Variants in DPP10 observed in about 807,000 individuals in gnomAD.
DPP10 encodes the protein inactive dipeptidyl peptidase 10.
DPP10 carries 33 observed loss-of-function variants against 120.9 expected under a neutral mutation model. That is an observed-to-expected ratio of 0.27 (90% confidence interval 0.21 to 0.37). The LOEUF (loss-of-function observed/expected upper bound fraction) is 0.37, where lower values mean the gene tolerates loss of function less well. Among genes scored for constraint, DPP10 ranks in the 10% least tolerant of loss-of-function variants. The pLI is 1.00. For missense variants in DPP10, 816 were observed against 942.8 expected, an observed-to-expected ratio of 0.87 and a Z score of 1.76; for synonymous variants, 337 against 326.1, an observed-to-expected ratio of 1.03 and a Z score of -0.36.
chr2:115,208,633 T>C (rs541396044), intron 1 of DPP10, among the ~76,000 whole-genome samples: 2 of 152,276 alleles, frequency 1.3e-5, no homozygotes, highest in South Asian at 4.1e-4. Flanking sequence ...TTTCCACTTA[T>C]GTTCCAGGGA....
chr2:115,298,430 A>G (rs1431248149), intron 1 of DPP10, among the ~76,000 whole-genome samples: 1 of 152,018 alleles, frequency 6.6e-6, no homozygotes, highest in African/African-American at 2.4e-5. Context: ...AAGATTGTTC[A>G]TTTTAGCAGT....
chr2:114,446,769 G>A lies in DPP10; in HGVS notation c.60+3931G>A, dbSNP rs368815877. Reference sequence around the variant, plus strand: ...CTGCCTTTTATATTGTAATATTGATGAGTCATTGTGCTAATAAAGACTTTT... The same window carrying A: ...CTGCCTTTTATATTGTAATATTGATAAGTCATTGTGCTAATAAAGACTTTT... On this transcript the variant is annotated intron_variant, in intron 1 of 25. Transcript: ENST00000410059. Among the ~76,000 whole-genome samples the A allele has an allele frequency of 9.9e-5, 15 of 152,216 alleles. No homozygotes were observed. In the South Asian group the frequency reaches 3.1e-3, roughly 32 times the overall value.
chr2:114,849,218 C>T (rs762374915), intron 1 of DPP10, among the ~76,000 whole-genome samples: 2 of 152,170 alleles, frequency 1.3e-5, no homozygotes, highest in Non-Finnish European at 2.9e-5. Context: ...TTGATTTCCA[C>T]GTGGCTGAGT....
intron 21 of DPP10, among the ~76,000 whole-genome samples, chr2:115,817,970 A>G (rs566285856): frequency 3.9e-5 from 6 of 152,314 alleles, no homozygotes; most frequent in Admixed American, 3.3e-4. Flanking sequence ...TGGATATATA[A>G]TAATGGCAAG....
chr2:115,402,676 G>A (rs972756493), intron 3 of DPP10, among the ~76,000 whole-genome samples: 21 of 149,816 alleles, frequency 1.4e-4, no homozygotes, highest in Non-Finnish European at 1.9e-4. Flanking sequence ...GAGGAAAAGC[G>A]CAGGACTGGA....
chr2:115,539,325 G>T (rs2079047459), intron 5 of DPP10, among the ~76,000 whole-genome samples: 1 of 151,872 alleles, frequency 6.6e-6, no homozygotes, highest in Admixed American at 6.6e-5. Flanking sequence ...TAAAACTAGG[G>T]CCCTTGATAT....
chr2:114,979,420 G>A (rs1574622331), intron 1 of DPP10, among the ~76,000 whole-genome samples: 3 of 151,796 alleles, frequency 2.0e-5, no homozygotes, highest in African/African-American at 7.2e-5. Flanking sequence ...TAAAAATCAT[G>A]ATGTTTATTA....
intron 1 of DPP10, among the ~76,000 whole-genome samples, chr2:114,904,937 G>A (rs1519664): frequency 1.3e-5 from 2 of 152,166 alleles, no homozygotes; most frequent in African/African-American, 2.4e-5. Context: ...CAGGAGCTTA[G>A]GGATGAGACC....
At chr2:114,814,502 A>C (rs193059980) in intron 1 of DPP10, among the ~76,000 whole-genome samples, 35 of 152,268 alleles carry the variant, frequency 2.3e-4, no homozygotes, top group Non-Finnish European at 4.7e-4. Flanking sequence ...GGAATTAACT[A>C]TAATGATATA....
intron 1 of DPP10, among the ~76,000 whole-genome samples, chr2:115,245,201 T>G (rs1021158049): frequency 6.6e-6 from 1 of 152,122 alleles, no homozygotes. Context: ...TGAGTGGTAT[T>G]CTATGGTGTA....
At chr2:115,533,036 A>G (rs2148925925) in intron 5 of DPP10, among the ~76,000 whole-genome samples, 1 of 152,100 alleles carries the variant, frequency 6.6e-6, no homozygotes, top group Non-Finnish European at 1.5e-5. Context: ...TTTTTTTAAA[A>G]TTTTTAAACA....
intron 3 of DPP10, among the ~76,000 whole-genome samples, chr2:115,407,128 CGCCCTGGAAA>C (rs1442167503): frequency 6.6e-6 from 1 of 152,194 alleles, no homozygotes; most frequent in African/African-American, 2.4e-5. Context: ...CAGGCTCCTT[CGCCCTGGAAA>C]CAGGGCGAAC....
intron 13 of DPP10, among the ~76,000 whole-genome samples, chr2:115,775,041 CAAG>C (rs1422447438): frequency 6.6e-6 from 1 of 151,860 alleles, no homozygotes; most frequent in Non-Finnish European, 1.5e-5. Context: ...TTCATAGTTT[CAAG>C]AAGAAATCAG....
rs539304009 is a variant in DPP10, at chr2:114,860,431, G to A, written c.60+417593G>A. Among the ~76,000 whole-genome samples the A allele has an allele frequency of 5.3e-5, 8 of 152,236 alleles. No homozygotes were observed. In the South Asian group the frequency reaches 1.0e-3, roughly 20 times the overall value. ...TTACAGAATAAACGCCTTTTCCAAG[G>A]CCACAGGGTGATTGGTGCTAGAGCC... On this transcript the variant is annotated intron_variant, in intron 1 of 25. Coordinates refer to ENST00000410059, the MANE Select transcript of DPP10 (RefSeq NM_020868.6).
intron 3 of DPP10, among the ~76,000 whole-genome samples, chr2:115,366,298 C>CT (rs2065073295): frequency 6.6e-6 from 1 of 151,934 alleles, no homozygotes; most frequent in Non-Finnish European, 1.5e-5. Context: ...CCTTACATTA[C>CT]TTATATCATT....
intron 2 of DPP10, among the ~76,000 whole-genome samples, chr2:115,322,831 A>T (rs1465002548): frequency 6.6e-6 from 1 of 152,144 alleles, no homozygotes; most frequent in Admixed American, 6.6e-5. Flanking sequence ...CAATCGCATT[A>T]TGTATTATAA....
chr2:115,319,363 T>G (rs1203333547), intron 2 of DPP10, among the ~76,000 whole-genome samples: 2 of 152,172 alleles, frequency 1.3e-5, no homozygotes, highest in African/African-American at 4.8e-5. Context: ...TCTTTTCTTG[T>G]GCTATCTTTG....
chr2:115,299,613 T>A (rs1392769150), intron 1 of DPP10, among the ~76,000 whole-genome samples: 1 of 152,022 alleles, frequency 6.6e-6, no homozygotes, highest in Non-Finnish European at 1.5e-5. Context: ...TATAGACATA[T>A]ATAAGAAATA....
At chr2:114,897,102 G>A (rs1312857078) in intron 1 of DPP10, among the ~76,000 whole-genome samples, 1 of 152,126 alleles carries the variant, frequency 6.6e-6, no homozygotes, top group African/African-American at 2.4e-5. Context: ...GATCATGGTG[G>A]ATAAGCTTTT....
Sources: allele counts gnomAD v4.1 joint callset (sites outside exome capture counted in the v4.1 genomes callset), GRCh38; gene constraint gnomAD v4.1.1; transcripts MANE v1.5; gene names NCBI Gene and HGNC (gene_info 2026-07-23, HGNC 2026-07-21).